Variants in NUDCD1 observed in about 807,000 individuals in gnomAD.
NUDCD1 encodes nudC domain-containing protein 1.
Under a neutral mutation model 67.8 loss-of-function variants are expected in NUDCD1, and 60 were observed. That is an observed-to-expected ratio of 0.88 (90% confidence interval 0.72 to 1.10). The LOEUF is 1.10. Ranked by LOEUF, NUDCD1 falls within the 50% of genes least tolerant of loss-of-function variation. The pLI is 0.00. For synonymous variants in NUDCD1, 244 were observed against 230.8 expected (o/e 1.06, Z -0.52); for missense variants, 643 against 695.0 (o/e 0.93, Z 0.84).
At chr8:109,313,745 T>G (rs1304429581) in intron 2 of NUDCD1, 2 of 496,308 alleles carry the variant, frequency 4.0e-6, no homozygotes, top group Non-Finnish European at 7.5e-6. Context: ...AAATTACTAT[T>G]CTTCATTTTA....
intron 1 of NUDCD1, among the ~76,000 whole-genome samples, chr8:109,327,299 G>C (rs1451960062): frequency 6.6e-6 from 1 of 152,182 alleles, no homozygotes; most frequent in Admixed American, 6.5e-5. Flanking sequence ...ATTCATGTGG[G>C]TATTTTCCCC....
At chr8:109,331,430 C>T (rs1815803242) in intron 1 of NUDCD1, among the ~76,000 whole-genome samples, 1 of 150,780 alleles carries the variant, frequency 6.6e-6, no homozygotes, top group Non-Finnish European at 1.5e-5. Flanking sequence ...GCAGGAGAAT[C>T]GCCTGAACCC....
chr8:109,259,372 A>G (rs547285566), intron 8 of NUDCD1, among the ~76,000 whole-genome samples: 10 of 152,162 alleles, frequency 6.6e-5, no homozygotes, highest in Non-Finnish European at 1.2e-4. Context: ...CAGGAGTTTC[A>G]TGTCTTTTTA....
chr8:109,289,782 A>T lies in NUDCD1; in HGVS notation c.792T>A (p.Asn264Lys), dbSNP rs1814662823. 6.5e-7 allele frequency: 1 copy of T among 1,543,204 alleles called. No homozygotes were observed. Among genetic ancestry groups the T allele is most frequent in the Non-Finnish European group, 8.9e-7 (1 of 1,125,792 alleles). The change falls in exon 5 of 10, where the codon AAT (asparagine) becomes AAA (lysine). Residue 264 changes from asparagine (N) to lysine (K), a missense_variant. Transcript: ENST00000239690. ...FVQAGQDLEENMDEDISEKIK... is the reference protein window; with the variant it reads ...FVQAGQDLEEKMDEDISEKIK... ...TTTTCTCTGATATGTCTTCATCCAT[A>T]TTTTCTTCAAGATCTTGACCAGCCT...
intron 2 of NUDCD1, among the ~76,000 whole-genome samples, chr8:109,299,890 C>G (rs1053638210): frequency 2.6e-5 from 4 of 152,178 alleles, no homozygotes; most frequent in Non-Finnish European, 5.9e-5. Context: ...GTGCTGGTAT[C>G]CATGGCTGAG....
In NUDCD1 at chr8:109,242,281, C is replaced by A. The variant is rs1329025208; in HGVS notation, c.*728G>T. On this transcript the variant is annotated 3_prime_UTR_variant, in exon 10 of 10. Transcript: ENST00000239690. ...TTTTCTCTACTATGGAAAGAAGATT[C>A]GTCTAGTCTACTGGAGGCTGAGAGG... 4 of 394,872 alleles carry A rather than the reference C, an allele frequency of 1.0e-5. No homozygotes were observed. The highest frequency in any genetic ancestry group is 1.4e-4 in the South Asian group (1 of 7,172). The allele number at this position is 394,872 out of a possible 1,614,324, so 24.5% of individuals were successfully genotyped here.
At chr8:109,314,233 G>C (rs1230778436) in intron 2 of NUDCD1, among the ~76,000 whole-genome samples, 5 of 151,972 alleles carry the variant, frequency 3.3e-5, no homozygotes, top group Non-Finnish European at 5.9e-5. Flanking sequence ...TACGTTCAAG[G>C]GCTAACACTG....
intron 2 of NUDCD1, among the ~76,000 whole-genome samples, chr8:109,306,109 T>C (rs2130077748): frequency 6.6e-6 from 1 of 152,286 alleles, no homozygotes; most frequent in East Asian, 1.9e-4. Flanking sequence ...TACTCACCAC[T>C]CTCAACTACT....
intron 8 of NUDCD1, among the ~76,000 whole-genome samples, chr8:109,267,011 T>C (rs1485244028): frequency 6.6e-6 from 1 of 152,176 alleles, no homozygotes; most frequent in Non-Finnish European, 1.5e-5. Context: ...TAAGGTAATT[T>C]CAAATTTCAA....
chr8:109,279,911 C>T (rs1021048745), intron 6 of NUDCD1, among the ~76,000 whole-genome samples: 1 of 152,206 alleles, frequency 6.6e-6, no homozygotes, highest in African/African-American at 2.4e-5. Context: ...GGATTACAGG[C>T]ATGAGCCACT....
chr8:109,253,531 A>C (rs1014878086), intron 8 of NUDCD1, among the ~76,000 whole-genome samples: 1 of 152,174 alleles, frequency 6.6e-6, no homozygotes, highest in African/African-American at 2.4e-5. Context: ...TATCCATGAG[A>C]TCTAAAGAGA....
chr8:109,281,145 T>G lies in NUDCD1; in HGVS notation c.851A>C (p.Glu284Ala), dbSNP rs994669093. The G allele has an allele frequency of 3.1e-6, 5 of 1,612,874 alleles. No individual in the cohort carries two copies. The highest frequency in any genetic ancestry group is 4.2e-6 in the Non-Finnish European group (5 of 1,179,140). ...CCGTATGGTTACTGTCAAATCATCT[T>G]CAGTCTGTTGCCAGTAATACAGAGG... is the stretch of plus-strand genomic sequence containing the variant. The part of the protein sequence containing the change: ...KEPLYYWQQT[E>A]DDLTVTIRLP... The change falls in exon 6 of 10, where the codon GAA (glutamate) becomes GCA (alanine). Residue 284 changes from glutamate to alanine, a missense_variant. Coordinates refer to ENST00000239690, the MANE Select transcript of NUDCD1 (RefSeq NM_032869.4).
chr8:109,330,069 GAAACATATAA>G lies in NUDCD1; in HGVS notation c.118+3814_118+3823del, dbSNP rs546308602. 2.0e-3 allele frequency: 821 copies of G among 410,290 alleles called. 4 individuals are homozygous for G. The highest frequency in any genetic ancestry group is 5.5e-3 in the Admixed American group (120 of 21,914). 25.4% of individuals were successfully genotyped at this position (410,290 alleles called of 1,614,324 possible). A position where few individuals can be genotyped will look rare whatever the true frequency, so the allele number is the denominator to read the frequency against. Reference sequence around the variant, plus strand: ...AATTAGCTAGGTGAAATATAGCTGGGAAACATATAAAAACATATAAAAAGACTTGTACTAA... The same window carrying G: ...AATTAGCTAGGTGAAATATAGCTGGGAAACATATAAAAAGACTTGTACTAA... On this transcript the variant is annotated intron_variant, in intron 1 of 9. Coordinates refer to ENST00000239690, the MANE Select transcript of NUDCD1 (RefSeq NM_032869.4).
intron 1 of NUDCD1, among the ~76,000 whole-genome samples, chr8:109,323,960 A>C (rs1163117510): frequency 1.3e-5 from 2 of 152,170 alleles, no homozygotes; most frequent in Middle Eastern, 6.3e-3. Context: ...AAAAGGAAAC[A>C]GAGAAGAAAT....
At chr8:109,284,754 GAAGAAC>G (rs1016401457) in intron 5 of NUDCD1, among the ~76,000 whole-genome samples, 4 of 149,008 alleles carry the variant, frequency 2.7e-5, no homozygotes, top group Admixed American at 2.7e-4. Context: ...ATCACACCCA[GAAGAAC>G]AAGAAAAAAA....
chr8:109,248,712 T>TG (rs758998479), intron 8 of NUDCD1, among the ~76,000 whole-genome samples: 2 of 139,808 alleles, frequency 1.4e-5, no homozygotes, highest in Non-Finnish European at 3.1e-5. Context: ...TTCCACTGTT[T>TG]GGAAAAAAAA....
intron 2 of NUDCD1, among the ~76,000 whole-genome samples, chr8:109,311,556 G>GATATATATATATATATATATATATAT (rs1563681331): frequency 5.2e-4 from 28 of 53,984 alleles, no homozygotes; most frequent in African/African-American, 3.2e-3. Context: ...AAGAAACTGT[G>GATATATATATATATATATATATATAT]GTGTATATAT....
chr8:109,285,709 C>T (rs549761283), intron 5 of NUDCD1, among the ~76,000 whole-genome samples: 1 of 152,120 alleles, frequency 6.6e-6, no homozygotes, highest in Non-Finnish European at 1.5e-5. Context: ...CAACATCATA[C>T]TGAACAGGCA....
At chr8:109,268,782 G>A (rs766808858) in intron 8 of NUDCD1, among the ~76,000 whole-genome samples, 31 of 152,104 alleles carry the variant, frequency 2.0e-4, no homozygotes, top group Admixed American at 9.2e-4. Flanking sequence ...TATCAGTCAC[G>A]CCTGCAACTG....
Sources: allele counts gnomAD v4.1 joint callset (sites outside exome capture counted in the v4.1 genomes callset), GRCh38; gene constraint gnomAD v4.1.1; transcripts MANE v1.5; gene names NCBI Gene and HGNC (gene_info 2026-07-23, HGNC 2026-07-21).